The following CSMD1 variants were observed in gnomAD, a reference collection of about 807,000 sequenced individuals.
The protein encoded by CSMD1 is CUB and Sushi multiple domains 1.
Under a neutral mutation model 417.5 loss-of-function variants are expected in CSMD1, and 213 were observed. The ratio of observed to expected loss-of-function variants is 0.51; its 90% CI spans 0.46 to 0.57. The LOEUF (loss-of-function observed/expected upper bound fraction) is 0.57, where lower values mean the gene tolerates loss of function less well. CSMD1 is among the 20% of genes least tolerant of loss of function. The probability of loss-of-function intolerance (pLI) is 0.00; values close to 1 mark genes in which losing one functional copy is unlikely to be tolerated. For missense variants in CSMD1, 6,923 were observed against 4,529.7 expected (o/e 1.53, Z -15.17); for synonymous variants, 2,862 against 1,736.8 (o/e 1.65, Z -16.11).
intron 1 of CSMD1, among the ~76,000 whole-genome samples, chr8:4,965,812 C>G (rs1161744858): frequency 1.3e-5 from 2 of 152,062 alleles, no homozygotes; most frequent in South Asian, 2.1e-4. Context: ...CCAGAGACAT[C>G]TGGAACAAAA....
intron 5 of CSMD1, among the ~76,000 whole-genome samples, chr8:3,906,735 A>C (rs893150213): frequency 6.6e-6 from 1 of 152,054 alleles, no homozygotes; most frequent in African/African-American, 2.4e-5. Context: ...GATTTTCCTC[A>C]TCTTTGATAC....
At chr8:3,020,702 T>C (rs1809292995) in intron 51 of CSMD1, among the ~76,000 whole-genome samples, 1 of 152,062 alleles carries the variant, frequency 6.6e-6, no homozygotes, top group Non-Finnish European at 1.5e-5. Context: ...CGAGGCTCTA[T>C]CTCAAATGTT....
chr8:3,976,042 G>A (rs902217835), intron 5 of CSMD1, among the ~76,000 whole-genome samples: 1 of 151,678 alleles, frequency 6.6e-6, no homozygotes, highest in East Asian at 1.9e-4. Context: ...AATATATACT[G>A]ATTGAAATCT....
intron 26 of CSMD1, among the ~76,000 whole-genome samples, chr8:3,277,439 G>A (rs188102843): frequency 6.6e-6 from 1 of 152,298 alleles, no homozygotes; most frequent in African/African-American, 2.4e-5. Flanking sequence ...GACCAAGGCG[G>A]CAGGGCACAG....
intron 50 of CSMD1, among the ~76,000 whole-genome samples, chr8:3,050,662 AG>A (rs1487214086): frequency 4.6e-5 from 7 of 152,348 alleles, no homozygotes; most frequent in Non-Finnish European, 8.8e-5. Context: ...AAAATAACCA[AG>A]AAATACTAAT....
At chr8:4,612,217 A>C (rs1452849765) in intron 2 of CSMD1, among the ~76,000 whole-genome samples, 1 of 152,130 alleles carries the variant, frequency 6.6e-6, no homozygotes, top group Non-Finnish European at 1.5e-5. Context: ...TGCCTTCATC[A>C]CCTTTGTTTT....
At chr8:4,731,369 C>G (rs1172345290) in intron 1 of CSMD1, among the ~76,000 whole-genome samples, 1 of 152,138 alleles carries the variant, frequency 6.6e-6, no homozygotes, top group Admixed American at 6.5e-5. Flanking sequence ...GAGCAAGCTG[C>G]ATGTGACACA....
intron 2 of CSMD1, among the ~76,000 whole-genome samples, chr8:4,518,166 CAG>C (rs1803226399): frequency 6.6e-6 from 1 of 152,074 alleles, no homozygotes; most frequent in Non-Finnish European, 1.5e-5. Context: ...GACAAGAAGA[CAG>C]AGTATGGCAC....
chr8:3,944,137 T>C lies in CSMD1; in HGVS notation c.818+53766A>G, dbSNP rs777144268. ...AATATTAATATTTGGGGAATCTTAG[T>C]GAAGGCTACACAGAATTTTTTTACT... On this transcript the variant is annotated intron_variant, in intron 5 of 69. Coordinates refer to ENST00000635120, the MANE Select transcript of CSMD1 (RefSeq NM_033225.6). Among the ~76,000 whole-genome samples, 48 of 152,288 alleles carry C rather than the reference T, an allele frequency of 3.2e-4. 1 individual carries two copies. The Middle Eastern group carries it at 0.014, about 43-fold the overall frequency.
intron 25 of CSMD1, among the ~76,000 whole-genome samples, chr8:3,303,479 T>A (rs1202305256): frequency 6.6e-6 from 1 of 152,210 alleles, no homozygotes; most frequent in Non-Finnish European, 1.5e-5. Context: ...TTGATACCTT[T>A]TTGATATGCG....
chr8:4,004,633 T>C (rs180722673), intron 4 of CSMD1, among the ~76,000 whole-genome samples: 169 of 152,340 alleles, frequency 1.1e-3, no homozygotes, highest in African/African-American at 4.0e-3. Context: ...CAATATATTT[T>C]AGATTTCAAT....
intron 17 of CSMD1, among the ~76,000 whole-genome samples, chr8:3,390,851 A>G (rs1342030373): frequency 6.6e-6 from 1 of 152,192 alleles, no homozygotes; most frequent in East Asian, 1.9e-4. Context: ...ACATTTCCTG[A>G]GCACATTTCA....
chr8:3,436,714 A>T (rs932327922), intron 12 of CSMD1, among the ~76,000 whole-genome samples: 1 of 152,178 alleles, frequency 6.6e-6, no homozygotes, highest in Non-Finnish European at 1.5e-5. Flanking sequence ...CTTTCTGAGT[A>T]AAAGGCAGTC....
intron 6 of CSMD1, among the ~76,000 whole-genome samples, chr8:3,725,248 G>A (rs115975171): frequency 0.015 from 2,326 of 152,232 alleles, 67 homozygotes; most frequent in African/African-American, 0.054. Flanking sequence ...TCAAGGTGTG[G>A]GTTGAGAGGT....
At chr8:4,728,552 G>C (rs1210948844) in intron 1 of CSMD1, among the ~76,000 whole-genome samples, 2 of 152,044 alleles carry the variant, frequency 1.3e-5, no homozygotes, top group African/African-American at 4.8e-5. Flanking sequence ...CTTATTTGGA[G>C]CTCTTCATGT....
chr8:4,352,541 A>T (rs574406717), intron 3 of CSMD1, among the ~76,000 whole-genome samples: 1 of 152,332 alleles, frequency 6.6e-6, no homozygotes, highest in African/African-American at 2.4e-5. Context: ...AAGAATGCAG[A>T]CATCATCTAT....
At chr8:3,657,840 ATAAT>A (rs1798208353) in intron 7 of CSMD1, among the ~76,000 whole-genome samples, 1 of 152,200 alleles carries the variant, frequency 6.6e-6, no homozygotes, top group African/African-American at 2.4e-5. Context: ...AACTTGAAGT[ATAAT>A]AATAATAAAA....
chr8:4,393,836 A>G (rs916131136), intron 3 of CSMD1, among the ~76,000 whole-genome samples: 1 of 152,152 alleles, frequency 6.6e-6, no homozygotes, highest in Non-Finnish European at 1.5e-5. Flanking sequence ...TATCTTTTCC[A>G]AAGTTCTAGG....
chr8:3,577,938 C>T (rs1391091429), intron 9 of CSMD1, among the ~76,000 whole-genome samples: 1 of 152,172 alleles, frequency 6.6e-6, no homozygotes, highest in African/African-American at 2.4e-5. Flanking sequence ...TAAACAACCA[C>T]CCTGTGGCTT....
Sources: allele counts gnomAD v4.1 joint callset (sites outside exome capture counted in the v4.1 genomes callset), GRCh38; gene constraint gnomAD v4.1.1; transcripts MANE v1.5; gene names NCBI Gene and HGNC (gene_info 2026-07-23, HGNC 2026-07-21).